WDPCP: variants seen among roughly 807,000 people sequenced by gnomAD.
WDPCP encodes WD repeat containing planar cell polarity effector.
WDPCP carries 71 observed loss-of-function variants against 93.1 expected under a neutral mutation model. That is an observed-to-expected ratio of 0.76 (90% confidence interval 0.63 to 0.93). The LOEUF (loss-of-function observed/expected upper bound fraction) is 0.93, where lower values mean the gene tolerates loss of function less well. WDPCP is among the 40% of genes least tolerant of loss of function. The pLI, the probability that WDPCP is intolerant of heterozygous loss-of-function variation, is 0.00. For synonymous variants in WDPCP, 315 were observed against 315.0 expected, an observed-to-expected ratio of 1.00 and a Z score of 0.00; for missense variants, 844 against 887.4, an observed-to-expected ratio of 0.95 and a Z score of 0.62.
At chr2:63,297,650 C>A (rs766496991) in intron 13 of WDPCP, among the ~76,000 whole-genome samples, 1 of 152,022 alleles carries the variant, frequency 6.6e-6, no homozygotes, top group African/African-American at 2.4e-5. Context: ...GTTGATTTAA[C>A]CATGTTGTTA....
chr2:63,223,249 A>G (rs1677991369), intron 14 of WDPCP, among the ~76,000 whole-genome samples: 1 of 152,146 alleles, frequency 6.6e-6, no homozygotes, highest in Non-Finnish European at 1.5e-5. Context: ...TAAATTGGGC[A>G]ATGCATTTGC....
At chr2:63,470,399 C>T (rs970180491) in intron 6 of WDPCP, among the ~76,000 whole-genome samples, 7 of 152,180 alleles carry the variant, frequency 4.6e-5, no homozygotes, top group Non-Finnish European at 8.8e-5. Flanking sequence ...AATATCTCTT[C>T]TCAATCTTCC....
intron 2 of WDPCP, among the ~76,000 whole-genome samples, chr2:63,805,611 C>T (rs757982682): frequency 2.0e-5 from 3 of 152,188 alleles, no homozygotes; most frequent in Non-Finnish European, 4.4e-5. Flanking sequence ...AGTGCTACTA[C>T]TCTGGGGAAG....
chr2:63,572,728 T>TAAAAAAAAAAAAAAA, intron 1 of WDPCP, among the ~76,000 whole-genome samples: 1 of 52,700 alleles, frequency 1.9e-5, no homozygotes, highest in African/African-American at 8.5e-5. Context: ...AAAAAAAAAG[T>TAAAAAAAAAAAAAAA]TGGACAGCAT....
upstream of WDPCP, chr2:63,589,219 G>A: frequency 1.7e-5 from 27 of 1,571,576 alleles, no homozygotes; most frequent in South Asian, 2.3e-5. Flanking sequence ...TAATGGGAAG[G>A]GATTGATTTC....
intron 1 of WDPCP, among the ~76,000 whole-genome samples, chr2:63,581,137 C>T (rs182533966): frequency 1.7e-4 from 26 of 152,202 alleles, no homozygotes; most frequent in Admixed American, 1.1e-3. Context: ...TAAAAACCAA[C>T]GTAGAAGGCA....
chr2:63,678,895 C>T (rs909965264), intron 2 of WDPCP, among the ~76,000 whole-genome samples: 6 of 152,080 alleles, frequency 3.9e-5, no homozygotes, highest in Non-Finnish European at 7.4e-5. Context: ...CGGTGGTGGC[C>T]GGAGCTACCT....
At chr2:63,264,797 C>CA (rs1255845975) in intron 13 of WDPCP, among the ~76,000 whole-genome samples, 2 of 152,180 alleles carry the variant, frequency 1.3e-5, no homozygotes, top group South Asian at 2.1e-4. Context: ...GTACATTGAA[C>CA]ATTCTTCAGA....
In WDPCP at chr2:63,177,507, T is replaced by C. The variant is rs372543749; in HGVS notation, c.1916-2675A>G. ...CTTTTTGATGCTATTGTAAATGAAA[T>C]TGTTTTCTTGCTGTCCTTTGCAGAT... On this transcript the variant is annotated intron_variant, in intron 14 of 17. Transcript: ENST00000272321. 2.2e-4 allele frequency among the ~76,000 whole-genome samples: 33 copies of C among 152,334 alleles called. No homozygotes were observed. The East Asian group carries it at 5.8e-3, about 27-fold the overall frequency.
At chr2:63,472,664 C>A (rs1412486692) in intron 6 of WDPCP, among the ~76,000 whole-genome samples, 1 of 152,062 alleles carries the variant, frequency 6.6e-6, no homozygotes, top group Non-Finnish European at 1.5e-5. Context: ...TCTTGGCTCA[C>A]TGCAACCTTC....
At chr2:63,603,492 C>A (rs1386844419) in intron 3 of WDPCP, among the ~76,000 whole-genome samples, 2 of 152,084 alleles carry the variant, frequency 1.3e-5, no homozygotes, top group African/African-American at 4.8e-5. Flanking sequence ...AACAGATCAG[C>A]TTCTTAAAAT....
intron 2 of WDPCP, among the ~76,000 whole-genome samples, chr2:63,681,226 C>A (rs1415686932): frequency 6.6e-6 from 1 of 152,186 alleles, no homozygotes; most frequent in Non-Finnish European, 1.5e-5. Flanking sequence ...ACGTACAGCA[C>A]CAACAGGGCT....
At chr2:63,294,364 G>A (rs1385011839) in intron 13 of WDPCP, among the ~76,000 whole-genome samples, 3 of 151,998 alleles carry the variant, frequency 2.0e-5, no homozygotes, top group East Asian at 3.9e-4. Flanking sequence ...CAAAAAATTC[G>A]GTGGGCATCT....
intron 17 of WDPCP, among the ~76,000 whole-genome samples, chr2:63,147,602 G>A (rs565744968): frequency 4.6e-5 from 7 of 152,242 alleles, no homozygotes; most frequent in East Asian, 1.9e-4. Flanking sequence ...AAACATTCAC[G>A]ATAGAATTCC....
At chr2:63,427,541 C>T (rs1381469388) in intron 9 of WDPCP, among the ~76,000 whole-genome samples, 5 of 151,972 alleles carry the variant, frequency 3.3e-5, no homozygotes, top group Non-Finnish European at 5.9e-5. Context: ...TTGAAATCAA[C>T]GAAAACAGAG....
intron 3 of WDPCP, among the ~76,000 whole-genome samples, chr2:63,630,116 A>G (rs964449396): frequency 8.5e-5 from 13 of 152,242 alleles, no homozygotes; most frequent in Admixed American, 7.2e-4. Flanking sequence ...TACAGCAACC[A>G]TGAAAAAATT....
chr2:63,135,016 G>C (rs1670523086), intron 17 of WDPCP, among the ~76,000 whole-genome samples: 1 of 152,118 alleles, frequency 6.6e-6, no homozygotes, highest in African/African-American at 2.4e-5. Flanking sequence ...CTAGCTACCT[G>C]GGAGGCTCAG....
chr2:63,588,181 T>A lies in WDPCP; in HGVS notation c.75+16A>T. On this transcript the variant is annotated intron_variant, in intron 1 of 17. Transcript: ENST00000272321. ...AAGGTTAAAAGAAAACCCCTTGCCCTCGGGCCAGGGCTCACCTGTCTCGGG... is the reference window on the plus strand; with the variant it reads ...AAGGTTAAAAGAAAACCCCTTGCCCACGGGCCAGGGCTCACCTGTCTCGGG... 7.7e-6 allele frequency: 12 copies of A among 1,558,260 alleles called. No individual in the cohort carries two copies. The highest frequency in any genetic ancestry group is 1.0e-5 in the Non-Finnish European group (12 of 1,149,598).
chr2:63,753,422 C>A (rs940429797), intron 2 of WDPCP, among the ~76,000 whole-genome samples: 7 of 152,070 alleles, frequency 4.6e-5, no homozygotes, highest in Non-Finnish European at 8.8e-5. Context: ...GTGCAAGACT[C>A]CGTCTCGAAC....
Sources: gnomAD v4.1 joint callset for allele counts (sites outside exome capture counted in the v4.1 genomes callset) on GRCh38, gnomAD v4.1.1 for gene constraint, MANE v1.5 for transcripts, NCBI Gene and HGNC (gene_info 2026-07-23, HGNC 2026-07-21) for gene names.